The following EGFR variants were observed in gnomAD, a reference collection of about 807,000 sequenced individuals.
EGFR encodes the protein epidermal growth factor receptor.
A neutral mutation model predicts 143.0 loss-of-function variants in EGFR; 58 were observed. The observed-to-expected ratio is 0.41, with a 90% CI of 0.33 to 0.50. The LOEUF (loss-of-function observed/expected upper bound fraction) is 0.50. Ranked by LOEUF, EGFR falls within the 20% of genes least tolerant of loss-of-function variation. The pLI is 0.39. For synonymous variants in EGFR, 613 were observed against 594.4 expected, an observed-to-expected ratio of 1.03 and a Z score of -0.45; for missense variants, 1,307 against 1,579.0, an observed-to-expected ratio of 0.83 and a Z score of 2.92.
intron 1 of EGFR, among the ~76,000 whole-genome samples, chr7:55,089,188 T>C (rs1790952214): frequency 6.6e-6 from 1 of 152,218 alleles, no homozygotes; most frequent in African/African-American, 2.4e-5. Flanking sequence ...GCTTGAGAGC[T>C]TTTTGAACTG....
chr7:55,206,072 A>C lies in EGFR; in HGVS notation c.*455A>C. The C allele has an allele frequency of 3.0e-6, 1 of 337,310 alleles. No individual in the cohort carries two copies. Among genetic ancestry groups the C allele is most frequent in the Non-Finnish European group, 5.5e-6 (1 of 182,150 alleles). 20.9% of individuals were successfully genotyped at this position (337,310 alleles called of 1,614,324 possible). A position where few individuals can be genotyped will look rare whatever the true frequency, so the allele number is the denominator to read the frequency against. On this transcript the variant is annotated 3_prime_UTR_variant, in exon 28 of 28. Transcript: ENST00000275493. ...ACTGTGAGCAAGGAGCACAAGCCACAAGTCTTCCAGAGGATGCTTGATTCC... is the reference window on the plus strand; with the variant it reads ...ACTGTGAGCAAGGAGCACAAGCCACCAGTCTTCCAGAGGATGCTTGATTCC...
intron 1 of EGFR, among the ~76,000 whole-genome samples, chr7:55,044,344 A>T (rs17172428): frequency 1.3e-5 from 2 of 152,212 alleles, no homozygotes; most frequent in African/African-American, 4.8e-5. Flanking sequence ...ACACAAGTGA[A>T]CAGTAAATGT....
intron 1 of EGFR, among the ~76,000 whole-genome samples, chr7:55,045,425 T>A (rs375168209): frequency 1.8e-4 from 28 of 152,204 alleles, no homozygotes; most frequent in East Asian, 1.2e-3. Context: ...CTATGACAGG[T>A]TTTTTGTTCT....
At chr7:55,196,069 A>C (rs920668449) in intron 22 of EGFR, among the ~76,000 whole-genome samples, 3 of 151,670 alleles carry the variant, frequency 2.0e-5, no homozygotes, top group African/African-American at 7.3e-5. Flanking sequence ...GTTTTTAGCT[A>C]TCTGAGAAAT....
chr7:55,138,105 C>T (rs1794255868), intron 1 of EGFR, among the ~76,000 whole-genome samples: 1 of 152,110 alleles, frequency 6.6e-6, no homozygotes, highest in Non-Finnish European at 1.5e-5. Flanking sequence ...ATCTGACAGA[C>T]AGAAAAATAG....
Position 55,209,784 on chromosome 7 carries a change from C to T in EGFR, c.*4167C>T, listed in dbSNP as rs900282325. On this transcript the variant is annotated 3_prime_UTR_variant, in exon 28 of 28. Transcript: ENST00000275493. Reference sequence around the variant, plus strand: ...GCGGGATATAGTTCTCTTTATGTAGCACTGAACTTTGTACAATATATTTTT... The same window carrying T: ...GCGGGATATAGTTCTCTTTATGTAGTACTGAACTTTGTACAATATATTTTT... 3.9e-5 allele frequency: 6 copies of T among 152,162 alleles called. No individual in the cohort carries two copies. The highest frequency in any genetic ancestry group is 1.4e-4 in the African/African-American group (6 of 41,430). 9.4% of individuals were successfully genotyped at this position (152,162 alleles called of 1,614,324 possible). A position where few individuals can be genotyped will look rare whatever the true frequency, so the allele number is the denominator to read the frequency against.
At chr7:55,160,773 G>A (rs1198859690) in intron 12 of EGFR, among the ~76,000 whole-genome samples, 2 of 152,186 alleles carry the variant, frequency 1.3e-5, no homozygotes, top group Admixed American at 1.3e-4. Context: ...GCCTGTGCTG[G>A]GCCTTGGCCA....
intron 15 of EGFR, among the ~76,000 whole-genome samples, chr7:55,166,582 G>C (rs1310363630): frequency 1.3e-5 from 2 of 152,206 alleles, no homozygotes; most frequent in African/African-American, 2.4e-5. Context: ...TGATGAGGAG[G>C]TGGGAGTCAC....
chr7:55,194,713 C>G (rs1278019874), intron 22 of EGFR, among the ~76,000 whole-genome samples: 2 of 152,176 alleles, frequency 1.3e-5, no homozygotes, highest in Non-Finnish European at 2.9e-5. Flanking sequence ...CAAGTGGAAG[C>G]CCTCTCAAAG....
rs1051572190 is a variant in EGFR at position 55,208,187 on chromosome 7, C to T, written c.*2570C>T. The T allele has an allele frequency of 7.2e-5, 11 of 152,022 alleles. No homozygotes were observed. Among genetic ancestry groups the T allele is most frequent in the African/African-American group, 2.7e-4 (11 of 41,370 alleles). 9.4% of individuals were successfully genotyped at this position (152,022 alleles called of 1,614,324 possible). A position where few individuals can be genotyped will look rare whatever the true frequency, so the allele number is the denominator to read the frequency against. On this transcript the variant is annotated 3_prime_UTR_variant, in exon 28 of 28. Transcript: ENST00000275493. ...CAAAATAGTTCTCACTTCATCTGTC[C>T]AGGGAGGCACAGTTCTGTCTGGTAG...
chr7:55,176,474 C>A (rs546858842), intron 19 of EGFR, among the ~76,000 whole-genome samples: 1 of 152,248 alleles, frequency 6.6e-6, no homozygotes, highest in East Asian at 1.9e-4. Flanking sequence ...AATCCCAGCA[C>A]TTTGGGAGGC....
intron 1 of EGFR, among the ~76,000 whole-genome samples, chr7:55,065,666 T>G (rs1249802062): frequency 6.6e-6 from 1 of 152,116 alleles, no homozygotes; most frequent in African/African-American, 2.4e-5. Context: ...CAACCAGCGA[T>G]GAGTTCAAGC....
intron 1 of EGFR, among the ~76,000 whole-genome samples, chr7:55,030,140 C>G (rs1002832091): frequency 6.6e-6 from 1 of 152,176 alleles, no homozygotes; most frequent in Non-Finnish European, 1.5e-5. Flanking sequence ...ACTGGGTGCT[C>G]TCCTGCTACA....
chr7:55,155,665 G>C (rs1258630115), intron 7 of EGFR, among the ~76,000 whole-genome samples, 165 bp from the exon 8 acceptor site: 1 of 152,160 alleles, frequency 6.6e-6, no homozygotes. Context: ...TCTTGAACGG[G>C]ATTCCTTCTC....
At chr7:55,087,288 A>AAAAC (rs1790827003) in intron 1 of EGFR, among the ~76,000 whole-genome samples, 1 of 151,506 alleles carries the variant, frequency 6.6e-6, no homozygotes. Context: ...AAAAAACAAA[A>AAAAC]AAAAAAAAAC....
At chr7:55,116,006 T>C (rs1444229073) in intron 1 of EGFR, among the ~76,000 whole-genome samples, 1 of 152,192 alleles carries the variant, frequency 6.6e-6, no homozygotes, top group African/African-American at 2.4e-5. Context: ...GTTACAGTGT[T>C]TGTTATCATC....
At chr7:55,061,708 C>A (rs901961270) in intron 1 of EGFR, among the ~76,000 whole-genome samples, 1 of 144,932 alleles carries the variant, frequency 6.9e-6, no homozygotes, top group African/African-American at 2.6e-5. Flanking sequence ...CTTCATTTTC[C>A]ATATGTGAAT....
chr7:55,030,950 T>A (rs1320057912), intron 1 of EGFR, among the ~76,000 whole-genome samples: 1 of 151,904 alleles, frequency 6.6e-6, no homozygotes, highest in Non-Finnish European at 1.5e-5. Context: ...GACGGTGATG[T>A]GCCTCTCCCA....
chr7:55,146,130 A>G (rs1405317066), intron 3 of EGFR, among the ~76,000 whole-genome samples: 1 of 151,790 alleles, frequency 6.6e-6, no homozygotes, highest in Non-Finnish European at 1.5e-5. Flanking sequence ...TCACTCTCAT[A>G]TCCTTTTCTC....
Sources: allele counts gnomAD v4.1 joint callset (sites outside exome capture counted in the v4.1 genomes callset), GRCh38; gene constraint gnomAD v4.1.1; transcripts MANE v1.5; gene names NCBI Gene and HGNC (gene_info 2026-07-23, HGNC 2026-07-21).